TBXAS1: variants seen among roughly 807,000 people sequenced by gnomAD.
TBXAS1 encodes the protein thromboxane A synthase 1, also known as thromboxane-A synthase.
TBXAS1 carries 48 observed loss-of-function variants against 60.7 expected under a neutral mutation model. The observed-to-expected ratio is 0.79, with a 90% CI of 0.63 to 1.01. The LOEUF (loss-of-function observed/expected upper bound fraction) is 1.01. Among genes scored for constraint, TBXAS1 ranks in the 50% least tolerant of loss-of-function variants. The probability of loss-of-function intolerance (pLI) is 0.00; values close to 1 mark genes in which losing one functional copy is unlikely to be tolerated. For synonymous variants in TBXAS1, 287 were observed against 269.7 expected, an observed-to-expected ratio of 1.06 and a Z score of -0.63; for missense variants, 685 against 686.3, an observed-to-expected ratio of 1.00 and a Z score of 0.02.
At chr7:139,849,373 A>C (rs2284198) in intron 1 of TBXAS1, among the ~76,000 whole-genome samples, 41,112 of 151,204 alleles carry the variant, frequency 0.27, 6,913 homozygotes, top group African/African-American at 0.44. Context: ...CTGTTCCCCC[A>C]AAAAAAACAC....
At chr7:139,964,820 T>C (rs2117398367) in intron 9 of TBXAS1, among the ~76,000 whole-genome samples, 1 of 152,344 alleles carries the variant, frequency 6.6e-6, no homozygotes, top group Non-Finnish European at 1.5e-5. Flanking sequence ...GTCTAGAATG[T>C]GTGATGTCAT....
rs202115912 is a variant in TBXAS1 at position 139,962,031 on chromosome 7, C to T, written c.932C>T (p.Pro311Leu). The T allele has an allele frequency of 1.8e-5, 29 of 1,614,098 alleles. No individual in the cohort carries two copies. The highest frequency in any genetic ancestry group is 4.5e-5 in the East Asian group (2 of 44,892). ...GTTTTCTCCTCTACTGGGTGCAAGCCGAACCCTTCCCGGCAACACCAGCCC... is the reference window on the plus strand; with the variant it reads ...GTTTTCTCCTCTACTGGGTGCAAGCTGAACCCTTCCCGGCAACACCAGCCC... ...RDVFSSTGCK[P>L]NPSRQHQPSP... is the part of the protein sequence containing the mutation. Residue 311 changes from proline (P) to leucine (L), a missense_variant, in exon 9 of 13, where the codon CCG becomes CTG. Pro to Leu is a moderately conservative substitution (Grantham distance 98). Transcript: ENST00000448866.
chr7:139,972,473 C>T (rs774516803), intron 9 of TBXAS1, among the ~76,000 whole-genome samples: 2 of 152,160 alleles, frequency 1.3e-5, no homozygotes, highest in Non-Finnish European at 2.9e-5. Flanking sequence ...AACTATTGCA[C>T]ACATTATGGG....
intron 4 of TBXAS1, among the ~76,000 whole-genome samples, chr7:139,794,197 G>A (rs868375588): frequency 2.8e-4 from 43 of 152,108 alleles, no homozygotes; most frequent in African/African-American, 9.4e-4. Context: ...TGCCTCCCGG[G>A]TTTAAGCAAT....
At position 139,999,258 on chromosome 7, in the gene TBXAS1, C is replaced by T. The variant is rs1306119040; in HGVS notation, c.1135-7833C>T. On this transcript the variant is annotated intron_variant, in intron 9 of 12. Transcript: ENST00000448866. This position sits in a 1 kb window ranked among gnomAD's most constrained non-coding sequence, Gnocchi z 4.3. ...ACTCAGGGCTGGCCGGGCGCCATGG[C>T]TTACGCCTATAATCCCAGCACTTTG... 1.3e-5 allele frequency among the ~76,000 whole-genome samples: 2 copies of T among 152,238 alleles called. No individual in the cohort carries two copies. The highest frequency in any genetic ancestry group is 2.9e-5 in the Non-Finnish European group (2 of 68,042).
intron 3 of TBXAS1, among the ~76,000 whole-genome samples, chr7:139,882,556 G>A (rs1802774285): frequency 6.6e-6 from 1 of 152,156 alleles, no homozygotes; most frequent in Non-Finnish European, 1.5e-5. Flanking sequence ...TCAGTATGAG[G>A]CTCATTTACT....
chr7:139,831,367 T>C (rs1294177288), intron 1 of TBXAS1, among the ~76,000 whole-genome samples: 1 of 152,140 alleles, frequency 6.6e-6, no homozygotes, highest in African/African-American at 2.4e-5. Flanking sequence ...GAGACTCTAG[T>C]CAGCCACTAA....
chr7:139,978,165 C>A (rs565329864), intron 9 of TBXAS1, among the ~76,000 whole-genome samples: 13 of 152,170 alleles, frequency 8.5e-5, no homozygotes, highest in African/African-American at 3.1e-4. Context: ...AGCAGTGATC[C>A]TGTGGGGTCA....
At chr7:139,931,898 G>A (rs1450517265) in intron 4 of TBXAS1, among the ~76,000 whole-genome samples, 1 of 152,148 alleles carries the variant, frequency 6.6e-6, no homozygotes, top group African/African-American at 2.4e-5. Flanking sequence ...AGGGGTCATG[G>A]AAGCTATTGT....
intron 3 of TBXAS1, among the ~76,000 whole-genome samples, chr7:139,901,794 T>G (rs1312342728): frequency 6.6e-6 from 1 of 151,956 alleles, no homozygotes; most frequent in Non-Finnish European, 1.5e-5. Context: ...TCTCAGAGTA[T>G]GGAAAGAGTC....
At chr7:139,913,470 C>T (rs542261042) in intron 4 of TBXAS1, 7 of 309,992 alleles carry the variant, frequency 2.3e-5, no homozygotes, top group South Asian at 1.1e-4. Flanking sequence ...AGCCATGAGA[C>T]GGCACTTGCC....
chr7:139,955,365 T>C, intron 6 of TBXAS1, 94 bp from the exon 7 acceptor site: 1 of 1,522,548 alleles, frequency 6.6e-7, no homozygotes, highest in Non-Finnish European at 9.1e-7. Flanking sequence ...GGCAAGCCAG[T>C]GTAAGCAATT....
At chr7:139,980,581 G>A (rs1210360142) in intron 9 of TBXAS1, among the ~76,000 whole-genome samples, 3 of 151,804 alleles carry the variant, frequency 2.0e-5, no homozygotes, top group South Asian at 4.2e-4. Context: ...GTTAGGAGTC[G>A]GCAACCTTAA....
chr7:139,899,064 G>A lies in TBXAS1; in HGVS notation c.237-12161G>A, dbSNP rs574842498. ...ATGCGCTCATTATAAAACACTGAAC[G>A]TTCAAGGAATAGATAAGATGAAAAG... On this transcript the variant is annotated intron_variant, in intron 3 of 12. Coordinates refer to ENST00000448866, the MANE Select transcript of TBXAS1 (RefSeq NM_001061.7). Among the ~76,000 whole-genome samples the A allele has an allele frequency of 4.6e-5, 7 of 150,812 alleles. No homozygotes were observed. In the East Asian group the frequency reaches 7.8e-4, roughly 17 times the overall value.
intron 4 of TBXAS1, among the ~76,000 whole-genome samples, chr7:139,818,924 CCAGCATCTCAGAGG>C (rs1192412565): frequency 2.0e-5 from 3 of 152,176 alleles, no homozygotes; most frequent in Non-Finnish European, 4.4e-5. Flanking sequence ...TGCCATCATA[CCAGCATCTCAGAGG>C]CTAGTCCCTC....
chr7:139,858,274 G>A (rs1800722287), intron 1 of TBXAS1, among the ~76,000 whole-genome samples: 1 of 152,180 alleles, frequency 6.6e-6, no homozygotes, highest in Non-Finnish European at 1.5e-5. Flanking sequence ...TGACACCTCT[G>A]TTCTCAGTTT....
At chr7:139,984,614 A>AAGAAAGAGAG (rs1554503275) in intron 9 of TBXAS1, among the ~76,000 whole-genome samples, 1 of 65,550 alleles carries the variant, frequency 1.5e-5, no homozygotes, top group African/African-American at 5.2e-5. Flanking sequence ...ATAAGAAAGA[A>AAGAAAGAGAG]AGAGAGAGAG....
upstream of TBXAS1, among the ~76,000 whole-genome samples, chr7:139,827,002 C>T (rs1431323857): frequency 6.6e-6 from 1 of 152,144 alleles, no homozygotes; most frequent in Non-Finnish European, 1.5e-5. Context: ...CTCCTTTCCC[C>T]TTCCCTTTCA....
At chr7:139,966,227 T>C (rs1810775465) in intron 9 of TBXAS1, among the ~76,000 whole-genome samples, 4 of 152,206 alleles carry the variant, frequency 2.6e-5, no homozygotes, top group Admixed American at 6.5e-5. Context: ...CTAGAGTTTC[T>C]TTTCCCTGAG....
Sources: allele counts gnomAD v4.1 joint callset (sites outside exome capture counted in the v4.1 genomes callset), GRCh38; gene constraint gnomAD v4.1.1; non-coding constraint Gnocchi (gnomAD v3.1); transcripts MANE v1.5; gene names NCBI Gene and HGNC (gene_info 2026-07-23, HGNC 2026-07-21).